Variants in SLCO2A1 observed in about 807,000 individuals in gnomAD.
The protein encoded by SLCO2A1 is matrin F/G 1.
A neutral mutation model predicts 71.7 loss-of-function variants in SLCO2A1; 60 were observed. The observed-to-expected ratio is 0.84, with a 90% confidence interval of 0.68 to 1.04. The LOEUF is 1.04. Ranked by LOEUF, SLCO2A1 falls within the 50% of genes least tolerant of loss-of-function variation. The probability of loss-of-function intolerance (pLI) is 0.00; values close to 1 mark genes in which losing one functional copy is unlikely to be tolerated. For synonymous variants in SLCO2A1, 308 were observed against 326.7 expected (o/e 0.94, Z 0.62); for missense variants, 745 against 813.4 (o/e 0.92, Z 1.02).
intron 12 of SLCO2A1, 49 bp from the exon 13 acceptor site, chr3:133,935,946 G>C: frequency 6.7e-7 from 1 of 1,492,248 alleles, no homozygotes; most frequent in South Asian, 1.4e-5. Context: ...GCAGGCAGAG[G>C]TGTCCAGCAG....
chr3:133,981,533 C>T (rs1257101199), intron 1 of SLCO2A1, among the ~76,000 whole-genome samples: 1 of 152,152 alleles, frequency 6.6e-6, no homozygotes, highest in Non-Finnish European at 1.5e-5. Flanking sequence ...TCTACTGAAT[C>T]AAAATCAGCA....
At chr3:133,935,694 A>G in intron 13 of SLCO2A1, 80 bp downstream of exon 13, 1 of 1,409,714 alleles carries the variant, frequency 7.1e-7, no homozygotes, top group Non-Finnish European at 9.4e-7. Flanking sequence ...CAGCCCCCAC[A>G]GTAGCCACTG....
intron 1 of SLCO2A1, among the ~76,000 whole-genome samples, chr3:134,021,458 T>C (rs1427153588): frequency 1.3e-5 from 2 of 152,104 alleles, no homozygotes; most frequent in Non-Finnish European, 2.9e-5. Flanking sequence ...TGCAGACCAG[T>C]TCCTGTACAT....
At position 134,029,848 on chromosome 3, in the gene SLCO2A1, G is replaced by C. The variant is rs1405577454; in HGVS notation, c.-46C>G. The C allele has an allele frequency of 3.3e-6, 4 of 1,219,328 alleles. No individual in the cohort carries two copies. In the South Asian group the frequency reaches 6.7e-5, roughly 20 times the overall value. The allele number at this position is 1,219,328 out of a possible 1,614,324, so 75.5% of individuals were successfully genotyped here. On this transcript the variant is annotated 5_prime_UTR_variant, in exon 1 of 14. Coordinates refer to ENST00000310926, the MANE Select transcript of SLCO2A1 (RefSeq NM_005630.3). ...GCGCGGAGTGGCGCGGGGTCGGGGC[G>C]CCTCGGGCTGGAGCGGCCGGGCGGG...
chr3:133,938,437 C>T lies in SLCO2A1; in HGVS notation c.1682G>A (p.Arg561His), dbSNP rs764541223. 9.3e-6 allele frequency: 15 copies of T among 1,613,920 alleles called. No homozygotes were observed. The highest frequency in any genetic ancestry group is 4.4e-5 in the South Asian group (4 of 91,078). The change falls in exon 12 of 14, where the codon CGC becomes CAC. Residue 561 changes from arginine (R) to histidine (H), a missense_variant. Coordinates refer to ENST00000310926, the MANE Select transcript of SLCO2A1 (RefSeq NM_005630.3). ...FAIGVQFLLM[R>H]LLAWLPSPAL... ...GGGTCTTAGACACTTACCCAGCAAG[C>T]GCATCAACAAGAACTGCACCCCGAT...
intron 1 of SLCO2A1, among the ~76,000 whole-genome samples, chr3:133,981,562 CT>C (rs1292188784): frequency 7.9e-5 from 12 of 152,310 alleles, no homozygotes; most frequent in African/African-American, 2.9e-4. Flanking sequence ...GCCTCAAATG[CT>C]TTATTTGGAA....
At chr3:133,953,908 A>G in intron 4 of SLCO2A1, 147 bp from the exon 5 acceptor site, 1 of 664,676 alleles carries the variant, frequency 1.5e-6, no homozygotes, top group Non-Finnish European at 2.7e-6. Flanking sequence ...TCCCACCAGC[A>G]AGGCCAGAAC....
At chr3:134,015,056 A>G (rs59636070) in intron 1 of SLCO2A1, among the ~76,000 whole-genome samples, 7,589 of 152,256 alleles carry the variant, frequency 0.05, 445 homozygotes, top group African/African-American at 0.13. Flanking sequence ...AGAATAGAAG[A>G]AAAACTGAAC....
rs181765503 is a variant in SLCO2A1, at chr3:134,018,781, C to T, written c.96+10926G>A. Reference sequence around the variant, plus strand: ...CCTCCCACCCCCACCCTCAGGATTACTAAATGAACCTGTTTAATTTAGCAT... The same window carrying T: ...CCTCCCACCCCCACCCTCAGGATTATTAAATGAACCTGTTTAATTTAGCAT... On this transcript the variant is annotated intron_variant, in intron 1 of 13. Coordinates refer to ENST00000310926, the MANE Select transcript of SLCO2A1 (RefSeq NM_005630.3). Among the ~76,000 whole-genome samples the T allele has an allele frequency of 2.5e-3, 353 of 143,196 alleles. 1 individual carries two copies. The highest frequency in any genetic ancestry group is 4.3e-3 in the Non-Finnish European group (282 of 65,770). The allele number at this position is 143,196 out of a possible 152,430, so 93.9% of individuals were successfully genotyped here. A position where few individuals can be genotyped will look rare whatever the true frequency, so the allele number is the denominator to read the frequency against.
At chr3:133,979,064 T>C (rs79620195) in intron 2 of SLCO2A1, among the ~76,000 whole-genome samples, 1 of 152,252 alleles carries the variant, frequency 6.6e-6, no homozygotes, top group African/African-American at 2.4e-5. Flanking sequence ...CTCTAGACTA[T>C]GTATGGGGCA....
At chr3:133,940,145 T>G (rs1483954174) in intron 11 of SLCO2A1, among the ~76,000 whole-genome samples, 4 of 152,068 alleles carry the variant, frequency 2.6e-5, no homozygotes, top group African/African-American at 9.7e-5. Flanking sequence ...CTTTTGTAAT[T>G]TTAGTAGAGA....
At chr3:133,995,379 C>A (rs1934943649) in intron 1 of SLCO2A1, among the ~76,000 whole-genome samples, 1 of 152,194 alleles carries the variant, frequency 6.6e-6, no homozygotes, top group Non-Finnish European at 1.5e-5. Context: ...AGCTCCCCAC[C>A]ACCGTGGCTG....
rs376867255 is a variant in SLCO2A1, at chr3:133,935,821, C to T, written c.1767G>A (p.Gly589=). ...CATAGTAGGCGCAGGCCCCTCGCCT[C>T]CCCAAGCACAGCGAGTTCCACCGGA... ...SCIRWNSLCL[G]RRGACAYYDN... is the part of the protein sequence containing the mutation. The change falls in exon 13 of 14, where the codon GGG becomes GGA. Residue 589 remains glycine, a synonymous_variant. Transcript: ENST00000310926. 7 of 1,611,576 alleles carry T rather than the reference C, an allele frequency of 4.3e-6. No individual in the cohort carries two copies. In the Admixed American group the frequency reaches 6.7e-5, roughly 15 times the overall value.
At chr3:133,967,833 C>T (rs1450016484) in intron 3 of SLCO2A1, among the ~76,000 whole-genome samples, 1 of 111,474 alleles carries the variant, frequency 9.0e-6, no homozygotes, top group East Asian at 2.7e-4. Flanking sequence ...CCATACCCCC[C>T]ACACATGAAC....
chr3:133,959,848 C>T (rs1352296758), intron 3 of SLCO2A1, among the ~76,000 whole-genome samples: 7 of 151,726 alleles, frequency 4.6e-5, no homozygotes, highest in Admixed American at 1.3e-4. Flanking sequence ...GGGCCGGGTG[C>T]GGTGGCTCAT....
At chr3:134,005,089 C>T (rs867072273) in intron 1 of SLCO2A1, among the ~76,000 whole-genome samples, 1 of 152,172 alleles carries the variant, frequency 6.6e-6, no homozygotes, top group Non-Finnish European at 1.5e-5. Context: ...GAGGGTAGGG[C>T]GAGCCCAGCT....
At chr3:134,004,805 A>C (rs949650736) in intron 1 of SLCO2A1, among the ~76,000 whole-genome samples, 1 of 152,248 alleles carries the variant, frequency 6.6e-6, no homozygotes, top group Non-Finnish European at 1.5e-5. Flanking sequence ...CCTCCACTAA[A>C]GCCTCCAGAA....
At chr3:133,949,913 G>A (rs1156552971) in intron 6 of SLCO2A1, among the ~76,000 whole-genome samples, 4 of 151,982 alleles carry the variant, frequency 2.6e-5, no homozygotes, top group East Asian at 1.9e-4. Context: ...CTGCAGCCTC[G>A]AACTCCTGGG....
intron 2 of SLCO2A1, among the ~76,000 whole-genome samples, chr3:133,976,092 G>T (rs1429265677): frequency 6.6e-6 from 1 of 152,204 alleles, no homozygotes; most frequent in Non-Finnish European, 1.5e-5. Context: ...ATGAGTAAAT[G>T]GTAGACTTTT....
Sources: gnomAD v4.1 joint callset for allele counts (sites outside exome capture counted in the v4.1 genomes callset) on GRCh38, gnomAD v4.1.1 for gene constraint, MANE v1.5 for transcripts, NCBI Gene and HGNC (gene_info 2026-07-23, HGNC 2026-07-21) for gene names.